The following SPTBN1 variants were observed in gnomAD, a reference collection of about 807,000 sequenced individuals.
SPTBN1 encodes the protein spectrin beta chain, non-erythrocytic 1.
A neutral mutation model predicts 266.4 loss-of-function variants in SPTBN1; 32 were observed. The observed-to-expected ratio is 0.12, with a 90% CI of 0.09 to 0.16. The LOEUF is 0.16. Ranked by LOEUF, SPTBN1 falls within the 10% of genes least tolerant of loss-of-function variation. The probability of loss-of-function intolerance (pLI) is 1.00; values close to 1 mark genes in which losing one functional copy is unlikely to be tolerated. For missense variants in SPTBN1, 2,296 were observed against 3,067.1 expected, an observed-to-expected ratio of 0.75 and a Z score of 5.94; for synonymous variants, 1,336 against 1,162.2, an observed-to-expected ratio of 1.15 and a Z score of -3.04.
chr2:54,531,423 T>C (rs192022458), intron 2 of SPTBN1, among the ~76,000 whole-genome samples: 1 of 152,160 alleles, frequency 6.6e-6, no homozygotes, highest in Admixed American at 6.5e-5. Context: ...GGGTGTCAGC[T>C]GGTTTTCTTG....
chr2:54,582,176 C>T (rs573500886), intron 2 of SPTBN1, among the ~76,000 whole-genome samples: 33 of 152,250 alleles, frequency 2.2e-4, no homozygotes, highest in African/African-American at 7.5e-4. Flanking sequence ...TAATGCAAAA[C>T]ATTACAAAAC....
intron 2 of SPTBN1, among the ~76,000 whole-genome samples, chr2:54,569,449 C>G (rs1673906240): frequency 6.6e-6 from 1 of 152,196 alleles, no homozygotes; most frequent in Non-Finnish European, 1.5e-5. Flanking sequence ...CACGTAAGAT[C>G]CCACAAGTCC....
intron 1 of SPTBN1, among the ~76,000 whole-genome samples, chr2:54,491,076 A>G (rs1668661277): frequency 6.6e-6 from 1 of 152,206 alleles, no homozygotes; most frequent in South Asian, 2.1e-4. Context: ...CAGTTGGGCA[A>G]AATTCAGAGC....
At chr2:54,589,784 G>A (rs889989462) in intron 2 of SPTBN1, among the ~76,000 whole-genome samples, 2 of 152,066 alleles carry the variant, frequency 1.3e-5, no homozygotes, top group South Asian at 2.1e-4. Context: ...GCCTGTTTCC[G>A]GCTTCCTGCT....
chr2:54,465,945 G>A (rs1378747784), intron 1 of SPTBN1, among the ~76,000 whole-genome samples: 1 of 152,004 alleles, frequency 6.6e-6, no homozygotes, highest in Non-Finnish European at 1.5e-5. Context: ...TATTTTTTCT[G>A]CCATCAGCTT....
chr2:54,459,712 C>T (rs951790671), intron 1 of SPTBN1, among the ~76,000 whole-genome samples: 3 of 152,086 alleles, frequency 2.0e-5, no homozygotes, highest in South Asian at 2.1e-4. Flanking sequence ...TCTTTCACTA[C>T]ATTATTGGAA....
chr2:54,599,293 T>G, intron 3 of SPTBN1, 50 bp downstream of exon 3: 1 of 1,595,358 alleles, frequency 6.3e-7, no homozygotes, highest in South Asian at 1.1e-5. Context: ...GAAAATATTT[T>G]TGAAAAATCA....
At chr2:54,525,595 T>C (rs1670756289) in intron 1 of SPTBN1, among the ~76,000 whole-genome samples, 2 of 152,350 alleles carry the variant, frequency 1.3e-5, no homozygotes, top group South Asian at 4.1e-4. Flanking sequence ...GATAAAATGA[T>C]CTGCTAGTTC....
chr2:54,513,157 G>A (rs1424922478), intron 1 of SPTBN1, among the ~76,000 whole-genome samples: 2 of 152,168 alleles, frequency 1.3e-5, no homozygotes, highest in Non-Finnish European at 1.5e-5. Flanking sequence ...CCTGGGCAAC[G>A]GAGTGAATCC....
At position 54,596,231 on chromosome 2, in the gene SPTBN1, T is replaced by G. The variant is rs954657518; in HGVS notation, c.149-2861T>G. Among the ~76,000 whole-genome samples the G allele has an allele frequency of 5.3e-5, 8 of 152,252 alleles. No homozygotes were observed. The East Asian group carries it at 1.6e-3, about 30-fold the overall frequency. Reference sequence around the variant, plus strand: ...CTGTCTGGCCCATATCCCCAAGCCTTGCTGGGTGGGGAGTGCAGGGGTGAT... The same window carrying G: ...CTGTCTGGCCCATATCCCCAAGCCTGGCTGGGTGGGGAGTGCAGGGGTGAT... On this transcript the variant is annotated intron_variant, in intron 2 of 35. Coordinates refer to ENST00000356805, the MANE Select transcript of SPTBN1 (RefSeq NM_003128.3).
At chr2:54,556,504 T>C (rs571437779) in intron 2 of SPTBN1, among the ~76,000 whole-genome samples, 2 of 152,354 alleles carry the variant, frequency 1.3e-5, no homozygotes, top group East Asian at 3.9e-4. Context: ...GGCCCAATGA[T>C]TAAAACGTTA....
chr2:54,643,267 C>T, intron 19 of SPTBN1, 138 bp downstream of exon 19: 3 of 1,291,910 alleles, frequency 2.3e-6, no homozygotes, highest in Non-Finnish European at 3.1e-6. Context: ...TAATAGCTCC[C>T]TTTGCACGTA....
intron 2 of SPTBN1, among the ~76,000 whole-genome samples, chr2:54,582,601 TG>T (rs1322195768): frequency 2.6e-5 from 4 of 152,096 alleles, no homozygotes; most frequent in South Asian, 4.1e-4. Context: ...GGATTCTTTC[TG>T]ATGAGGGCTT....
At chr2:54,539,899 C>T (rs1054300953) in intron 2 of SPTBN1, among the ~76,000 whole-genome samples, 1 of 152,144 alleles carries the variant, frequency 6.6e-6, no homozygotes, top group African/African-American at 2.4e-5. Flanking sequence ...CACTCAAACT[C>T]ATATGGTGAA....
At position 54,646,085 on chromosome 2, in the gene SPTBN1, G is replaced by A. The variant is rs1679908496; in HGVS notation, c.4584+68G>A. ...GCTCTAAATTATGAGACTGGGAATGGCAGAGAGCTTTGAAGCCTTGCTATT... is the reference window on the plus strand; with the variant it reads ...GCTCTAAATTATGAGACTGGGAATGACAGAGAGCTTTGAAGCCTTGCTATT... On this transcript the variant is annotated intron_variant, in intron 22 of 35. Coordinates refer to ENST00000356805, the MANE Select transcript of SPTBN1 (RefSeq NM_003128.3). This position sits in a 1 kb window ranked among gnomAD's most constrained non-coding sequence, Gnocchi z 4.4. The A allele has an allele frequency of 9.3e-6, 15 of 1,610,364 alleles. No individual in the cohort carries two copies. In the Admixed American group the frequency reaches 2.3e-4, roughly 25 times the overall value.
At chr2:54,508,742 C>T (rs569696132) in intron 1 of SPTBN1, among the ~76,000 whole-genome samples, 6 of 152,134 alleles carry the variant, frequency 3.9e-5, no homozygotes, top group Non-Finnish European at 7.3e-5. Flanking sequence ...GAAGTTGGAA[C>T]GCTAGCTGCT....
At chr2:54,511,448 C>A (rs1669852896) in intron 1 of SPTBN1, among the ~76,000 whole-genome samples, 2 of 152,166 alleles carry the variant, frequency 1.3e-5, no homozygotes. Context: ...ACCTTTTTGG[C>A]ACCAGGGACT....
intron 1 of SPTBN1, among the ~76,000 whole-genome samples, chr2:54,512,557 T>C (rs1669915220): frequency 6.6e-6 from 1 of 152,318 alleles, no homozygotes; most frequent in Non-Finnish European, 1.5e-5. Context: ...AAAATAAATA[T>C]GTTAAAAGGC....
chr2:54,571,548 C>T (rs1674075047), intron 2 of SPTBN1, among the ~76,000 whole-genome samples: 1 of 55,482 alleles, frequency 1.8e-5, no homozygotes, highest in Non-Finnish European at 4.5e-5. Flanking sequence ...ATTGTATGTA[C>T]ACACACACAC....
Sources: allele counts gnomAD v4.1 joint callset (sites outside exome capture counted in the v4.1 genomes callset), GRCh38; gene constraint gnomAD v4.1.1; non-coding constraint Gnocchi (gnomAD v3.1); transcripts MANE v1.5; gene names NCBI Gene and HGNC (gene_info 2026-07-23, HGNC 2026-07-21).